Variants in HS6ST2 observed in about 807,000 individuals in gnomAD.
The protein encoded by HS6ST2 is heparan-sulfate 6-O-sulfotransferase 2.
HS6ST2 carries 17 observed loss-of-function variants against 33.0 expected under a neutral mutation model. The observed-to-expected ratio is 0.52, with a 90% confidence interval of 0.35 to 0.77. HS6ST2 has a LOEUF of 0.77. Ranked by LOEUF, HS6ST2 falls within the 30% of genes least tolerant of loss-of-function variation. The pLI is 0.01. For missense variants in HS6ST2, 519 were observed against 551.7 expected (o/e 0.94, Z 0.59); for synonymous variants, 248 against 237.1 (o/e 1.05, Z -0.42).
chrX:132,910,780 T>C (rs756793604), intron 2 of HS6ST2, among the ~76,000 whole-genome samples: 36 of 111,844 alleles, frequency 3.2e-4, no homozygotes, highest in African/African-American at 1.1e-3. Context: ...TACTGGTTCC[T>C]TGCCTTTCGT....
At chrX:132,911,794 C>T (rs751854549) in intron 2 of HS6ST2, among the ~76,000 whole-genome samples, 254 of 110,665 alleles carry the variant, frequency 2.3e-3, no homozygotes, top group African/African-American at 8.0e-3. Flanking sequence ...CCCGCCACCA[C>T]GCCTGGCTAA....
chrX:132,764,126 A>C (rs781776735), intron 2 of HS6ST2, among the ~76,000 whole-genome samples: 5 of 112,233 alleles, frequency 4.5e-5, no homozygotes, highest in Non-Finnish European at 9.4e-5. Context: ...TGAATTTTCC[A>C]AAAAAAGGAG....
intron 2 of HS6ST2, among the ~76,000 whole-genome samples, chrX:132,953,584 C>T (rs937256097): frequency 8.9e-5 from 10 of 111,749 alleles, no homozygotes; most frequent in Admixed American, 7.6e-4. Context: ...TGGTTCCTGT[C>T]GCAGCTGAAG....
intron 2 of HS6ST2, among the ~76,000 whole-genome samples, chrX:132,755,177 A>G (rs2064747263): frequency 8.9e-6 from 1 of 112,592 alleles, no homozygotes. Context: ...TAATTATATC[A>G]GTATGGACTC....
chrX:132,832,474 C>CG (rs1205041038), intron 2 of HS6ST2, among the ~76,000 whole-genome samples: 3 of 111,690 alleles, frequency 2.7e-5, no homozygotes, highest in Non-Finnish European at 5.7e-5. Flanking sequence ...CCAGAGTACA[C>CG]GGGGCCACAT....
chrX:132,855,610 C>T (rs180977122), intron 2 of HS6ST2, among the ~76,000 whole-genome samples: 8 of 111,568 alleles, frequency 7.2e-5, no homozygotes, highest in South Asian at 7.5e-4. Flanking sequence ...TGTATTAACA[C>T]GAAACAAGTG....
chrX:132,956,120 T>C (rs998961029), intron 2 of HS6ST2, among the ~76,000 whole-genome samples: 4 of 111,029 alleles, frequency 3.6e-5, no homozygotes, highest in Non-Finnish European at 7.6e-5. Flanking sequence ...TGTCGGAAAA[T>C]AGCGACAGAG....
At chrX:132,799,317 A>G (rs139563314) in intron 2 of HS6ST2, among the ~76,000 whole-genome samples, 1,370 of 109,217 alleles carry the variant, frequency 0.013, 21 homozygotes, top group African/African-American at 0.044. Flanking sequence ...ACTTTATTTC[A>G]TCCAAGACAT....
intron 2 of HS6ST2, among the ~76,000 whole-genome samples, chrX:132,784,557 G>T (rs1186664287): frequency 1.8e-5 from 2 of 111,591 alleles, no homozygotes; most frequent in Non-Finnish European, 3.8e-5. Context: ...TGATCTGCCC[G>T]CCTTGGCCTC....
intron 2 of HS6ST2, among the ~76,000 whole-genome samples, chrX:132,860,500 T>C (rs1222904018): frequency 8.9e-6 from 1 of 111,915 alleles, no homozygotes; most frequent in Non-Finnish European, 1.9e-5. Flanking sequence ...ACAGATTATG[T>C]TTGACTGAAG....
At chrX:132,702,664 T>A (rs1602591586) in intron 3 of HS6ST2, among the ~76,000 whole-genome samples, 1 of 112,000 alleles carries the variant, frequency 8.9e-6, no homozygotes, top group African/African-American at 3.2e-5. Flanking sequence ...TTCACCTCCT[T>A]AGGGAGGCCT....
chrX:132,836,657 T>A (rs1021893450), intron 2 of HS6ST2, among the ~76,000 whole-genome samples: 5 of 112,939 alleles, frequency 4.4e-5, no homozygotes, highest in Non-Finnish European at 3.7e-5. Context: ...AGTAAATTGC[T>A]TGAAGGAAGC....
intron 2 of HS6ST2, among the ~76,000 whole-genome samples, chrX:132,776,790 G>A (rs1433312582): frequency 2.7e-5 from 3 of 111,133 alleles, no homozygotes; most frequent in African/African-American, 6.6e-5. Context: ...TTGCAGCACC[G>A]CAGTCTTAGA....
rs1180788509 is a variant in HS6ST2 at position 132,687,550 on chromosome X, C to T, written c.981-18351G>A. Reference sequence around the variant, plus strand: ...GAGAGTGGCAGCTGGCGGATCAATACTTCTCTGAATGAATTTGATCTTAAG... The same window carrying T: ...GAGAGTGGCAGCTGGCGGATCAATATTTCTCTGAATGAATTTGATCTTAAG... On this transcript the variant is annotated intron_variant, in intron 3 of 4. Transcript: ENST00000370833. Among the ~76,000 whole-genome samples, 4 of 110,077 alleles carry T rather than the reference C, an allele frequency of 3.6e-5. No individual in the cohort carries two copies. In the East Asian group the frequency reaches 1.1e-3, roughly 31 times the overall value.
At chrX:132,812,592 G>C (rs1399869066) in intron 2 of HS6ST2, among the ~76,000 whole-genome samples, 3 of 100,051 alleles carry the variant, frequency 3.0e-5, no homozygotes, top group African/African-American at 1.1e-4. Flanking sequence ...TTGGGGGGGG[G>C]AGAAATTATT....
intron 2 of HS6ST2, among the ~76,000 whole-genome samples, chrX:132,781,650 G>T (rs2065017416): frequency 1.8e-5 from 2 of 111,546 alleles, no homozygotes; most frequent in South Asian, 7.7e-4. Context: ...TGGCTGGGGA[G>T]GCCTCAGGGA....
intron 2 of HS6ST2, among the ~76,000 whole-genome samples, chrX:132,814,970 T>A (rs1388388060): frequency 8.9e-6 from 1 of 112,274 alleles, no homozygotes; most frequent in Non-Finnish European, 1.9e-5. Context: ...GCCTTTCTTA[T>A]ACCCTTTATG....
In HS6ST2 at chrX:132,956,799, C is replaced by T. The variant is rs766407694; in HGVS notation, c.947+9G>A. 1.1e-5 allele frequency: 13 copies of T among 1,152,548 alleles called. No individual in the cohort carries two copies. The highest frequency in any genetic ancestry group is 2.9e-4 in the Middle Eastern group (1 of 3,470). 95.0% of individuals were successfully genotyped at this position (1,152,548 alleles called of 1,213,427 possible). ...CCCGGGTCCCGCTCGACTACCGGCG[C>T]GCACTCACCTGGACGGTCTCAGCCT... On this transcript the variant is annotated intron_variant, in intron 2 of 4. Coordinates refer to ENST00000370833, the MANE Select transcript of HS6ST2 (RefSeq NM_001394073.1).
intron 2 of HS6ST2, among the ~76,000 whole-genome samples, chrX:132,883,740 G>A (rs777881190): frequency 4.1e-4 from 45 of 111,079 alleles, no homozygotes; most frequent in Middle Eastern, 9.3e-3. Flanking sequence ...AAAGGAGCAG[G>A]ACTTCAGCAG....
Sources: gnomAD v4.1 joint callset for allele counts (sites outside exome capture counted in the v4.1 genomes callset) on GRCh38, gnomAD v4.1.1 for gene constraint, MANE v1.5 for transcripts, NCBI Gene and HGNC (gene_info 2026-07-23, HGNC 2026-07-21) for gene names.